The following PEX7 variants were observed in gnomAD, a reference collection of about 807,000 sequenced individuals.
PEX7 encodes peroxisomal biogenesis factor 7, also known as PTS2 receptor.
PEX7 carries 34 observed loss-of-function variants against 47.5 expected under a neutral mutation model. That is an observed-to-expected ratio of 0.72 (90% confidence interval 0.54 to 0.95). PEX7 has a LOEUF of 0.95. Ranked by LOEUF, PEX7 falls within the 40% of genes least tolerant of loss-of-function variation. The probability of loss-of-function intolerance (pLI) is 0.00; values close to 1 mark genes in which losing one functional copy is unlikely to be tolerated. For missense variants in PEX7, 394 were observed against 400.3 expected, an observed-to-expected ratio of 0.98 and a Z score of 0.13; for synonymous variants, 141 against 148.8, an observed-to-expected ratio of 0.95 and a Z score of 0.38.
At chr6:136,829,730 A>G (rs1774259483) in intron 3 of PEX7, among the ~76,000 whole-genome samples, 1 of 152,176 alleles carries the variant, frequency 6.6e-6, no homozygotes, top group Non-Finnish European at 1.5e-5. Context: ...GAAGGCCAGG[A>G]GTTTGGGACC....
chr6:136,913,317 G>A (rs765403633), intron 9 of PEX7, 141 bp from the exon 10 acceptor site: 85 of 677,212 alleles, frequency 1.3e-4, no homozygotes, highest in Admixed American at 9.2e-4. Context: ...TATCAAAAAC[G>A]TAGCCCTATG....
intron 5 of PEX7, among the ~76,000 whole-genome samples, chr6:136,861,143 G>A (rs117806795): frequency 0.042 from 6,322 of 151,986 alleles, 144 homozygotes; most frequent in African/African-American, 0.072. Flanking sequence ...GGAGTGCAGC[G>A]GCACAGTCTT....
intron 5 of PEX7, among the ~76,000 whole-genome samples, chr6:136,853,570 TA>T (rs1163122852): frequency 4.6e-5 from 7 of 152,214 alleles, no homozygotes; most frequent in African/African-American, 1.7e-4. Flanking sequence ...TTTATTTCAT[TA>T]TTTTTAATTT....
intron 3 of PEX7, among the ~76,000 whole-genome samples, chr6:136,843,156 C>T (rs1774532974): frequency 6.6e-6 from 1 of 152,168 alleles, no homozygotes; most frequent in Non-Finnish European, 1.5e-5. Context: ...AATTAGGCTG[C>T]CCACGTTCAG....
chr6:136,831,118 T>C (rs1472437808), intron 3 of PEX7, among the ~76,000 whole-genome samples: 1 of 152,178 alleles, frequency 6.6e-6, no homozygotes, highest in East Asian at 1.9e-4. Context: ...AAGAAATACC[T>C]GAGAGTGGGT....
intron 9 of PEX7, among the ~76,000 whole-genome samples, chr6:136,902,557 T>TTC (rs1426623376): frequency 6.6e-6 from 1 of 152,222 alleles, no homozygotes; most frequent in Non-Finnish European, 1.5e-5. Context: ...TTAACCAGGC[T>TTC]GAAGGCATCG....
chr6:136,835,530 G>T (rs1051797683), intron 3 of PEX7, among the ~76,000 whole-genome samples: 1 of 151,956 alleles, frequency 6.6e-6, no homozygotes, highest in East Asian at 1.9e-4. Context: ...CTTGTGATCC[G>T]CCTGACTCGT....
At chr6:136,901,985 A>G (rs781185862) in intron 9 of PEX7, among the ~76,000 whole-genome samples, 46 of 152,238 alleles carry the variant, frequency 3.0e-4, no homozygotes, top group Admixed American at 3.9e-4. Flanking sequence ...GGGTTTCTCT[A>G]TGTTGGCCAG....
chr6:136,834,020 CAA>C (rs893503649), intron 3 of PEX7, among the ~76,000 whole-genome samples: 2 of 151,600 alleles, frequency 1.3e-5, no homozygotes. Flanking sequence ...ACAACAACAA[CAA>C]AAAAAACAAC....
chr6:136,842,997 T>TCC (rs1774529311), intron 3 of PEX7, among the ~76,000 whole-genome samples: 1 of 152,212 alleles, frequency 6.6e-6, no homozygotes, highest in Non-Finnish European at 1.5e-5. Context: ...GGCCCAAATG[T>TCC]AGCTCCAGTA....
At chr6:136,871,719 C>T (rs1216052809) in intron 7 of PEX7, among the ~76,000 whole-genome samples, 1 of 152,042 alleles carries the variant, frequency 6.6e-6, no homozygotes, top group Non-Finnish European at 1.5e-5. Flanking sequence ...TGCCACCATG[C>T]CCATCTAACT....
At chr6:136,842,059 C>T (rs1237170662) in intron 3 of PEX7, among the ~76,000 whole-genome samples, 1 of 150,766 alleles carries the variant, frequency 6.6e-6, no homozygotes, top group Non-Finnish European at 1.5e-5. Flanking sequence ...AGTGCAGTGG[C>T]ACAATCTTGG....
chr6:136,903,145 A>G (rs1342131875), intron 9 of PEX7, among the ~76,000 whole-genome samples: 5 of 152,132 alleles, frequency 3.3e-5, no homozygotes, highest in Admixed American at 3.3e-4. Flanking sequence ...TTAAGTGTAC[A>G]GCTCAATTAG....
chr6:136,825,220 G>A lies in PEX7; in HGVS notation c.137G>A (p.Gly46Glu). The A allele has an allele frequency of 1.9e-6, 3 of 1,613,686 alleles. No individual in the cohort carries two copies. The highest frequency in any genetic ancestry group is 2.5e-6 in the Non-Finnish European group (3 of 1,179,690). The change falls in exon 2 of 10, where the codon GGA becomes GAA. Residue 46 changes from glycine (G) to glutamate (E), a missense_variant. Transcript: ENST00000318471. ...TAQHYGIAGC[G>E]TLLILDPDEA... ...TGATTTTTTTTCTCTTTAGGCTGTG[G>A]AACCCTACTAATATTGGATCCAGAT...
intron 8 of PEX7, among the ~76,000 whole-genome samples, chr6:136,894,145 T>C (rs958186136): frequency 3.3e-5 from 5 of 152,124 alleles, no homozygotes; most frequent in Admixed American, 2.0e-4. Flanking sequence ...CAGTGCCCTA[T>C]GATTTAGCTG....
intron 8 of PEX7, among the ~76,000 whole-genome samples, chr6:136,877,221 G>A (rs369203087): frequency 5.3e-5 from 8 of 151,662 alleles, no homozygotes; most frequent in African/African-American, 1.9e-4. Flanking sequence ...TTAGCCCCTT[G>A]TGAGATGGAT....
At chr6:136,822,834 G>A in intron 1 of PEX7, 39 bp downstream of exon 1, 1 of 1,213,904 alleles carries the variant, frequency 8.2e-7, no homozygotes. Flanking sequence ...GGGGGCGGAG[G>A]CGGAGGCGGG....
intron 1 of PEX7, 26 bp from the exon 2 acceptor site, chr6:136,825,188 A>G: frequency 6.2e-7 from 1 of 1,601,884 alleles, no homozygotes; most frequent in Non-Finnish European, 8.6e-7. Context: ...GTTCAAAGGG[A>G]TGACCTTGAT....
At chr6:136,865,855 C>T (rs902844740) in intron 5 of PEX7, among the ~76,000 whole-genome samples, 6 of 151,854 alleles carry the variant, frequency 4.0e-5, no homozygotes, top group Non-Finnish European at 5.9e-5. Flanking sequence ...GAGGCTGAGG[C>T]GGGTGGATCA....
Sources: allele counts gnomAD v4.1 joint callset (sites outside exome capture counted in the v4.1 genomes callset), GRCh38; gene constraint gnomAD v4.1.1; transcripts MANE v1.5; gene names NCBI Gene and HGNC (gene_info 2026-07-23, HGNC 2026-07-21).